The following KHDC1 variants were observed in gnomAD, a reference collection of about 807,000 sequenced individuals.
The protein encoded by KHDC1 is KH domain containing 1.
A neutral mutation model predicts 24.7 loss-of-function variants in KHDC1; 21 were observed. That is an observed-to-expected ratio of 0.85 (90% confidence interval 0.60 to 1.23). The LOEUF (loss-of-function observed/expected upper bound fraction) is 1.23. KHDC1 is among the 50% of genes most tolerant of loss of function. The pLI is 0.00. For missense variants in KHDC1, 274 were observed against 298.5 expected, an observed-to-expected ratio of 0.92 and a Z score of 0.61; for synonymous variants, 98 against 111.7, an observed-to-expected ratio of 0.88 and a Z score of 0.77.
chr6:73,257,461 C>T (rs987975801), intron 2 of KHDC1, among the ~76,000 whole-genome samples: 18 of 152,290 alleles, frequency 1.2e-4, no homozygotes, highest in African/African-American at 4.3e-4. Flanking sequence ...CTGGAGTACA[C>T]GATCTCGGCT....
intron 1 of KHDC1, among the ~76,000 whole-genome samples, chr6:73,304,717 T>C (rs1238487017): frequency 6.6e-6 from 1 of 152,194 alleles, no homozygotes; most frequent in East Asian, 1.9e-4. Context: ...AATGAGTGGA[T>C]TGCTAGACTT....
chr6:73,251,389 G>T (rs1405318887), intron 2 of KHDC1, among the ~76,000 whole-genome samples: 1 of 152,128 alleles, frequency 6.6e-6, no homozygotes, highest in African/African-American at 2.4e-5. Context: ...ACTGGGAATA[G>T]GTCCAATATA....
intron 2 of KHDC1, among the ~76,000 whole-genome samples, chr6:73,259,223 A>T (rs1766934753): frequency 6.6e-6 from 1 of 151,258 alleles, no homozygotes; most frequent in Non-Finnish European, 1.5e-5. Flanking sequence ...TTGGCACTCA[A>T]GTCCAGGTCC....
At position 73,280,302 on chromosome 6, in the gene KHDC1, C is replaced by T. The variant is rs990439503; in HGVS notation, c.206+11696G>A. 2.0e-5 allele frequency among the ~76,000 whole-genome samples: 3 copies of T among 152,030 alleles called. No homozygotes were observed. In the East Asian group the frequency reaches 5.8e-4, roughly 29 times the overall value. ...CCTTCCAAGTAGCTGGAACCACAGGCATGCACCACCATGCTCGGCTAATGT... is the reference window on the plus strand; with the variant it reads ...CCTTCCAAGTAGCTGGAACCACAGGTATGCACCACCATGCTCGGCTAATGT... On this transcript the variant is annotated intron_variant, in intron 2 of 4. Coordinates refer to ENST00000370384, the Ensembl canonical transcript of KHDC1.
chr6:73,281,202 G>A (rs1264566689), intron 2 of KHDC1, among the ~76,000 whole-genome samples: 1 of 152,162 alleles, frequency 6.6e-6, no homozygotes, highest in Non-Finnish European at 1.5e-5. Flanking sequence ...AGCCAGGCGT[G>A]GTGGCACACA....
chr6:73,263,090 G>A, intron 2 of KHDC1: 1 of 1,014,476 alleles, frequency 9.9e-7, no homozygotes, highest in Non-Finnish European at 1.2e-6. Context: ...GCGGCTGCAG[G>A]CCTGGCCGAT....
At position 73,306,310 on chromosome 6, in the gene KHDC1, T is replaced by A. The variant is rs548867117; in HGVS notation, c.163+3242A>T. On this transcript the variant is annotated intron_variant, in intron 1 of 4. Transcript: ENST00000370384. ...AGACTCTCCCTCCCACTGCATCAAC[T>A]CTGCCCTCCCTCACCCGACACCCCG... 7.2e-5 allele frequency among the ~76,000 whole-genome samples: 11 copies of A among 152,068 alleles called. No individual in the cohort carries two copies. In the South Asian group the frequency reaches 2.3e-3, roughly 32 times the overall value.
chr6:73,241,513 G>A (rs1299831229), exon 5 of KHDC1: 1 of 1,611,352 alleles, frequency 6.2e-7, no homozygotes, highest in Non-Finnish European at 8.5e-7. Flanking sequence ...ACTTCCCAGG[G>A]GAGATCAGTC....
In KHDC1 at chr6:73,281,198, G is replaced by A. The variant is rs1013034953; in HGVS notation, c.206+10800C>T. On this transcript the variant is annotated intron_variant, in intron 2 of 4. Coordinates refer to ENST00000370384, the Ensembl canonical transcript of KHDC1. ...CTACTAAAAATAGAAATTTAGCCAGGCGTGGTGGCACACACCTGTAATCCC... is the reference window on the plus strand; with the variant it reads ...CTACTAAAAATAGAAATTTAGCCAGACGTGGTGGCACACACCTGTAATCCC... 2.6e-5 allele frequency among the ~76,000 whole-genome samples: 4 copies of A among 152,132 alleles called. No homozygotes were observed. The East Asian group carries it at 5.8e-4, about 22-fold the overall frequency.
At chr6:73,306,824 C>T (rs13203622) in intron 1 of KHDC1, among the ~76,000 whole-genome samples, 14,299 of 152,036 alleles carry the variant, frequency 0.094, 751 homozygotes, top group East Asian at 0.19. Context: ...CTGGCCAACA[C>T]GGTGAAACCC....
intron 4 of KHDC1, among the ~76,000 whole-genome samples, 163 bp from the exon 4 acceptor site, chr6:73,241,891 C>A (rs1766576087): frequency 6.6e-6 from 1 of 152,180 alleles, no homozygotes; most frequent in Non-Finnish European, 1.5e-5. Flanking sequence ...CTTAAGCAAT[C>A]TCATGCCACA....
intron 2 of KHDC1, among the ~76,000 whole-genome samples, chr6:73,254,644 AAAG>A (rs1435692225): frequency 6.6e-6 from 1 of 152,144 alleles, no homozygotes; most frequent in Non-Finnish European, 1.5e-5. Context: ...TATACAGAAA[AAAG>A]AAGAAAAGAA....
At chr6:73,265,630 G>A (rs1767068395) in intron 2 of KHDC1, among the ~76,000 whole-genome samples, 3 of 151,590 alleles carry the variant, frequency 2.0e-5, no homozygotes, top group Admixed American at 2.0e-4. Context: ...AGAGGAGTTT[G>A]AGTAAGCCTT....
At chr6:73,267,317 T>TA (rs1341329522) in intron 2 of KHDC1, among the ~76,000 whole-genome samples, 16 of 151,692 alleles carry the variant, frequency 1.1e-4, no homozygotes, top group South Asian at 6.3e-4. Flanking sequence ...CCATCTCTAC[T>TA]AAAAAAAATG....
rs532777606 is a variant in KHDC1, at chr6:73,273,078, C to T, written c.206+18920G>A. ...TTCACCATGTTGGCCAGGCTGGTGGCGAACTCTTGACCTCAGGTGATCCGC... is the reference window on the plus strand; with the variant it reads ...TTCACCATGTTGGCCAGGCTGGTGGTGAACTCTTGACCTCAGGTGATCCGC... On this transcript the variant is annotated intron_variant, in intron 2 of 4. Transcript: ENST00000370384. Among the ~76,000 whole-genome samples the T allele has an allele frequency of 7.9e-5, 12 of 151,054 alleles. No individual in the cohort carries two copies. The East Asian group carries it at 1.8e-3, about 23-fold the overall frequency.
intron 2 of KHDC1, among the ~76,000 whole-genome samples, chr6:73,266,115 ATAAACT>A (rs1767075632): frequency 6.6e-6 from 1 of 152,190 alleles, no homozygotes; most frequent in Admixed American, 6.5e-5. Flanking sequence ...AAGAAGCAAA[ATAAACT>A]TAGAAGCAAA....
At chr6:73,292,354 C>G (rs1562258632) in intron 1 of KHDC1, 2 of 823,834 alleles carry the variant, frequency 2.4e-6, no homozygotes. Context: ...TAGATACATT[C>G]TACACATATG....
chr6:73,284,271 TC>T (rs1767476465), intron 2 of KHDC1, among the ~76,000 whole-genome samples: 1 of 152,224 alleles, frequency 6.6e-6, no homozygotes, highest in Non-Finnish European at 1.5e-5. Flanking sequence ...ATTTGTGACT[TC>T]CTCAGTTTCT....
At chr6:73,274,712 C>T (rs1354305965) in intron 2 of KHDC1, 2 of 152,302 alleles carry the variant, frequency 1.3e-5, no homozygotes, top group African/African-American at 4.8e-5. Context: ...GTCAATTAAA[C>T]CTCTTTTCTT....
Sources: allele counts gnomAD v4.1 joint callset (sites outside exome capture counted in the v4.1 genomes callset), GRCh38; gene constraint gnomAD v4.1.1; transcripts MANE v1.5; gene names NCBI Gene and HGNC (gene_info 2026-07-23, HGNC 2026-07-21).